The following XKR6 variants were observed in gnomAD, a reference collection of about 807,000 sequenced individuals.
XKR6 encodes XK related 6, also known as XK-related protein 6.
A neutral mutation model predicts 56.7 loss-of-function variants in XKR6; 22 were observed. The ratio of observed to expected loss-of-function variants is 0.39; its 90% CI spans 0.28 to 0.55. The LOEUF is 0.55. XKR6 is among the 20% of genes least tolerant of loss of function. The probability of loss-of-function intolerance (pLI) is 0.66; values close to 1 mark genes in which losing one functional copy is unlikely to be tolerated. For missense variants in XKR6, 852 were observed against 889.0 expected (o/e 0.96, Z 0.53); for synonymous variants, 524 against 387.8 (o/e 1.35, Z -4.13).
chr8:11,092,875 T>G (rs1798122031), intron 1 of XKR6, among the ~76,000 whole-genome samples: 1 of 152,126 alleles, frequency 6.6e-6, no homozygotes, highest in Admixed American at 6.5e-5. Context: ...TCAGTCCGCC[T>G]CATCTTACAG....
At chr8:10,923,963 A>T (rs1044396437) in intron 2 of XKR6, among the ~76,000 whole-genome samples, 1 of 152,244 alleles carries the variant, frequency 6.6e-6, no homozygotes, top group African/African-American at 2.4e-5. Context: ...AAGACAGTTC[A>T]TGCATGGCTC....
At chr8:11,027,268 C>G (rs1399457548) in intron 1 of XKR6, among the ~76,000 whole-genome samples, 1 of 152,204 alleles carries the variant, frequency 6.6e-6, no homozygotes, top group African/African-American at 2.4e-5. Context: ...CTCATATATG[C>G]AGTCCACCAT....
intron 1 of XKR6, among the ~76,000 whole-genome samples, chr8:11,098,614 G>A (rs1798350320): frequency 6.6e-6 from 1 of 152,178 alleles, no homozygotes; most frequent in South Asian, 2.1e-4. Flanking sequence ...TTTGAATTAT[G>A]TTCCTGTTTC....
chr8:11,137,004 AC>A (rs1460100076), intron 1 of XKR6: 1 of 152,342 alleles, frequency 6.6e-6, no homozygotes, highest in African/African-American at 2.4e-5. Flanking sequence ...AGTAGTGTTG[AC>A]CCTTAAGAGG....
chr8:11,093,017 CTTTTCTT>C (rs1397658020), intron 1 of XKR6, among the ~76,000 whole-genome samples: 1 of 151,102 alleles, frequency 6.6e-6, no homozygotes, highest in Non-Finnish European at 1.5e-5. Flanking sequence ...TTTTCTTTCT[CTTTTCTT>C]TTTTCTTTTC....
chr8:11,096,604 A>T (rs2129174566), intron 1 of XKR6, among the ~76,000 whole-genome samples: 1 of 152,368 alleles, frequency 6.6e-6, no homozygotes, highest in Admixed American at 6.5e-5. Context: ...TGGAAAAGGA[A>T]GATGGACCGA....
intron 1 of XKR6, among the ~76,000 whole-genome samples, chr8:10,953,269 C>T (rs1801782898): frequency 6.6e-6 from 1 of 152,182 alleles, no homozygotes; most frequent in Non-Finnish European, 1.5e-5. Context: ...TGGTTTAGCA[C>T]CATCTTCCTT....
At position 10,896,115 on chromosome 8, in the gene XKR6, T is replaced by C. The variant is rs1353370058; in HGVS notation, c.*1837A>G. 1 of 149,030 alleles carries C rather than the reference T, an allele frequency of 6.7e-6. No individual in the cohort carries two copies. The highest frequency in any genetic ancestry group is 1.5e-5 in the Non-Finnish European group (1 of 67,308). The allele number at this position is 149,030 out of a possible 1,614,324, so 9.2% of individuals were successfully genotyped here. ...TATATATATATATATACTTATTATATATCTTTTTTGTGATTTTTTTTCTTT... is the reference window on the plus strand; with the variant it reads ...TATATATATATATATACTTATTATACATCTTTTTTGTGATTTTTTTTCTTT... On this transcript the variant is annotated 3_prime_UTR_variant, in exon 3 of 3. Transcript: ENST00000416569.
intron 1 of XKR6, among the ~76,000 whole-genome samples, chr8:11,040,135 G>C (rs1799248850): frequency 6.6e-6 from 1 of 151,934 alleles, no homozygotes; most frequent in African/African-American, 2.4e-5. Context: ...CCCAGGCCGG[G>C]GGGACCTTCC....
At chr8:11,151,667 C>T (rs1801274036) in intron 1 of XKR6, among the ~76,000 whole-genome samples, 1 of 152,008 alleles carries the variant, frequency 6.6e-6, no homozygotes, top group Non-Finnish European at 1.5e-5. Flanking sequence ...AATCCAGACC[C>T]ACGATCCATT....
intron 1 of XKR6, among the ~76,000 whole-genome samples, chr8:10,949,755 C>A (rs576889561): frequency 6.6e-6 from 1 of 152,134 alleles, no homozygotes; most frequent in Non-Finnish European, 1.5e-5. Context: ...CCAAAGCATG[C>A]GGAGCTCTGC....
chr8:11,199,470 A>G (rs1804076907), intron 1 of XKR6, among the ~76,000 whole-genome samples: 1 of 152,258 alleles, frequency 6.6e-6, no homozygotes, highest in South Asian at 2.1e-4. Context: ...GAGTCAGGGC[A>G]GCCTAGGCAA....
At chr8:11,049,347 G>T (rs1221125991) in intron 1 of XKR6, among the ~76,000 whole-genome samples, 3 of 152,184 alleles carry the variant, frequency 2.0e-5, no homozygotes, top group Non-Finnish European at 4.4e-5. Flanking sequence ...CGGCAGGAGG[G>T]TTCAGAGCCC....
intron 1 of XKR6, among the ~76,000 whole-genome samples, chr8:11,004,607 AC>A (rs983685240): frequency 2.6e-5 from 4 of 152,254 alleles, no homozygotes; most frequent in Non-Finnish European, 4.4e-5. Flanking sequence ...AGCTGGTTAA[AC>A]AAAACTTGTT....
chr8:10,946,073 G>T (rs1314096147), intron 1 of XKR6, among the ~76,000 whole-genome samples: 1 of 151,914 alleles, frequency 6.6e-6, no homozygotes, highest in African/African-American at 2.4e-5. Context: ...GCCCGTGATG[G>T]GAAGGCCACT....
At chr8:11,005,358 G>GTATATATATATATATATATATA (rs1333626126) in intron 1 of XKR6, among the ~76,000 whole-genome samples, 1 of 149,286 alleles carries the variant, frequency 6.7e-6, no homozygotes, top group African/African-American at 2.6e-5. Flanking sequence ...AGTGACTGTA[G>GTATATATATATATATATATATA]TAGATATAGA....
chr8:10,952,644 G>A (rs541315118), intron 1 of XKR6, among the ~76,000 whole-genome samples: 24 of 152,202 alleles, frequency 1.6e-4, no homozygotes, highest in African/African-American at 3.9e-4. Context: ...TTGTAGAGAC[G>A]GTTATACAGT....
intron 1 of XKR6, among the ~76,000 whole-genome samples, chr8:11,197,582 G>T (rs1397798143): frequency 1.3e-5 from 2 of 152,188 alleles, no homozygotes; most frequent in African/African-American, 4.8e-5. Flanking sequence ...AGCACATCAA[G>T]CTGTACAGAC....
chr8:11,075,254 C>G (rs1391415936), intron 1 of XKR6, among the ~76,000 whole-genome samples: 1 of 152,206 alleles, frequency 6.6e-6, no homozygotes, highest in Admixed American at 6.5e-5. Flanking sequence ...ATTGGTCTTA[C>G]TCCGGAAGTA....
Sources: gnomAD v4.1 joint callset for allele counts (sites outside exome capture counted in the v4.1 genomes callset) on GRCh38, gnomAD v4.1.1 for gene constraint, MANE v1.5 for transcripts, NCBI Gene and HGNC (gene_info 2026-07-23, HGNC 2026-07-21) for gene names.